Variants in ARHGAP32 observed in about 807,000 individuals in gnomAD.
The protein encoded by ARHGAP32 is rho GTPase-activating protein 32.
In ARHGAP32, 51 loss-of-function variants were observed where a neutral mutation model predicts 186.5. The ratio of observed to expected loss-of-function variants is 0.27; its 90% CI spans 0.22 to 0.35. ARHGAP32 has a LOEUF of 0.35. ARHGAP32 is among the 10% of genes least tolerant of loss of function. ARHGAP32 has a pLI of 1.00. For missense variants in ARHGAP32, 2,186 were observed against 2,623.5 expected (o/e 0.83, Z 3.64); for synonymous variants, 950 against 964.3 (o/e 0.99, Z 0.27).
chr11:129,243,596 C>T (rs1373147728), intron 1 of ARHGAP32, among the ~76,000 whole-genome samples: 1 of 152,162 alleles, frequency 6.6e-6, no homozygotes, highest in East Asian at 1.9e-4. Context: ...CCTTCATTTA[C>T]CAATGTCACA....
intron 6 of ARHGAP32, among the ~76,000 whole-genome samples, chr11:129,069,465 G>C (rs1940802903): frequency 1.3e-5 from 2 of 152,012 alleles, no homozygotes; most frequent in South Asian, 4.1e-4. Flanking sequence ...AGGATATTTA[G>C]CAGAACAAGC....
chr11:129,168,958 T>A (rs1308712949), intron 1 of ARHGAP32, among the ~76,000 whole-genome samples: 11 of 152,180 alleles, frequency 7.2e-5, no homozygotes, highest in Non-Finnish European at 1.5e-4. Context: ...AGTCTTTTTA[T>A]GTGAATGATA....
intron 1 of ARHGAP32, among the ~76,000 whole-genome samples, chr11:129,182,963 T>A (rs1046953253): frequency 6.6e-6 from 1 of 152,132 alleles, no homozygotes; most frequent in Non-Finnish European, 1.5e-5. Flanking sequence ...AAATTTTTTA[T>A]GTTTTCATTT....
chr11:129,105,242 G>GCATT (rs1386465762), intron 5 of ARHGAP32, among the ~76,000 whole-genome samples: 6 of 152,196 alleles, frequency 3.9e-5, no homozygotes, highest in African/African-American at 7.2e-5. Context: ...GGAAATGACA[G>GCATT]CATTCAAAAG....
intron 2 of ARHGAP32, among the ~76,000 whole-genome samples, chr11:129,143,109 T>C (rs530463645): frequency 1.0e-5 from 1 of 100,286 alleles, no homozygotes; most frequent in Non-Finnish European, 2.2e-5. Flanking sequence ...ATAAACGAGA[T>C]TTTGATACAA....
intron 11 of ARHGAP32, among the ~76,000 whole-genome samples, chr11:129,006,426 G>T (rs1937776003): frequency 6.6e-6 from 1 of 152,196 alleles, no homozygotes; most frequent in African/African-American, 2.4e-5. Context: ...AATGCAAGCT[G>T]TATCTGCATT....
At chr11:129,143,485 C>T (rs1461719365) in intron 2 of ARHGAP32, among the ~76,000 whole-genome samples, 1 of 151,998 alleles carries the variant, frequency 6.6e-6, no homozygotes, top group East Asian at 1.9e-4. Flanking sequence ...GAACATGAAT[C>T]ATTCCTTTGT....
At chr11:129,052,664 G>A (rs934182925) in intron 10 of ARHGAP32, among the ~76,000 whole-genome samples, 1 of 151,030 alleles carries the variant, frequency 6.6e-6, no homozygotes, top group Non-Finnish European at 1.5e-5. Flanking sequence ...ATTATACATG[G>A]GTTTTATACA....
At chr11:129,185,596 T>TATA (rs1476666914) in intron 1 of ARHGAP32, among the ~76,000 whole-genome samples, 1 of 152,012 alleles carries the variant, frequency 6.6e-6, no homozygotes, top group African/African-American at 2.4e-5. Flanking sequence ...AAACTTAAAG[T>TATA]ATAATAATAA....
rs1240447839 is a variant in ARHGAP32, at chr11:129,192,113, C to G, written c.86G>C (p.Cys29Ser). The change falls in exon 1 of 23, where the codon TGT becomes TCT. Residue 29 changes from cysteine to serine, a missense_variant. Coordinates refer to ENST00000682385, the MANE Select transcript of ARHGAP32 (RefSeq NM_001378024.1). ...CTTCTCTTCCCTTTCTTCCTCTTCA[C>G]AGTCAGTCACCTGGATTATAACTTC... ...ESEVIIQVTD[C>S]EEEEREEKFR... is the part of the protein sequence containing the mutation. 4 of 1,613,716 alleles carry G rather than the reference C, an allele frequency of 2.5e-6. No individual in the cohort carries two copies. Among genetic ancestry groups the G allele is most frequent in the Non-Finnish European group, 2.5e-6 (3 of 1,179,710 alleles).
At position 129,115,333 on chromosome 11, in the gene ARHGAP32, A is replaced by G. The variant is rs114063137; in HGVS notation, c.444+8113T>C. Among the ~76,000 whole-genome samples the G allele has an allele frequency of 2.0e-3, 308 of 152,240 alleles. 2 individuals are homozygous for G. The highest frequency in any genetic ancestry group is 0.01 in the Middle Eastern group (3 of 294). ...GTGAAATAAGTTCTAATTCCAGCAC[A>G]TAAGGCGAAAATCAATAAAAGGCAA... On this transcript the variant is annotated intron_variant, in intron 5 of 22. Coordinates refer to ENST00000682385, the MANE Select transcript of ARHGAP32 (RefSeq NM_001378024.1).
At chr11:129,257,981 CTTCT>C (rs750525665) in intron 1 of ARHGAP32, among the ~76,000 whole-genome samples, 2 of 152,084 alleles carry the variant, frequency 1.3e-5, no homozygotes, top group African/African-American at 2.4e-5. Flanking sequence ...ATTCTTCAGT[CTTCT>C]TTATCTTTTC....
chr11:129,114,897 A>G (rs989519289), intron 5 of ARHGAP32, among the ~76,000 whole-genome samples: 1 of 152,164 alleles, frequency 6.6e-6, no homozygotes, highest in Non-Finnish European at 1.5e-5. Flanking sequence ...TCAAATGTTC[A>G]GAAAAGTTCT....
chr11:129,277,375 A>G (rs1338930231), intron 1 of ARHGAP32, among the ~76,000 whole-genome samples: 1 of 152,226 alleles, frequency 6.6e-6, no homozygotes, highest in Non-Finnish European at 1.5e-5. Flanking sequence ...CCAACATCAA[A>G]GGCTCTAAAG....
chr11:129,080,658 A>G (rs765797791), intron 6 of ARHGAP32, among the ~76,000 whole-genome samples: 1 of 152,142 alleles, frequency 6.6e-6, no homozygotes, highest in Non-Finnish European at 1.5e-5. Context: ...AGTCTGAAAG[A>G]GCACAAATAG....
rs756731861 is a variant in ARHGAP32, at chr11:128,978,926, G to GA, written c.1977-12dup. On this transcript the variant is annotated splice_polypyrimidine_tract_variant and intron_variant, in intron 18 of 22. Transcript: ENST00000682385. ...TTTTGAGGCCTCTTTCTATGAAAGAGAAAAAATAATCAACATTAAGATAGC... is the reference window on the plus strand; with the variant it reads ...TTTTGAGGCCTCTTTCTATGAAAGAGAAAAAAATAATCAACATTAAGATAGC... The GA allele has an allele frequency of 6.3e-7, 1 of 1,592,774 alleles. No individual in the cohort carries two copies.
At chr11:129,138,296 T>TAAA (rs9331713) in intron 2 of ARHGAP32, among the ~76,000 whole-genome samples, 20 of 51,670 alleles carry the variant, frequency 3.9e-4, no homozygotes, top group South Asian at 9.8e-4. Context: ...CCCTTACTGG[T>TAAA]AAAAAAAAAA....
intron 1 of ARHGAP32, among the ~76,000 whole-genome samples, chr11:129,261,790 G>A (rs1220233674): frequency 1.3e-5 from 2 of 152,128 alleles, no homozygotes; most frequent in African/African-American, 4.8e-5. Context: ...AAACATCTCA[G>A]TAAATGATCC....
At chr11:129,045,604 A>T (rs750703594) in intron 10 of ARHGAP32, among the ~76,000 whole-genome samples, 1 of 152,234 alleles carries the variant, frequency 6.6e-6, no homozygotes, top group African/African-American at 2.4e-5. Context: ...ACTTCACCTA[A>T]GATTTCACCA....
Sources: gnomAD v4.1 joint callset for allele counts (sites outside exome capture counted in the v4.1 genomes callset) on GRCh38, gnomAD v4.1.1 for gene constraint, MANE v1.5 for transcripts, NCBI Gene and HGNC (gene_info 2026-07-23, HGNC 2026-07-21) for gene names.